Variants in ERC2 observed in about 807,000 individuals in gnomAD.
ERC2 encodes ERC protein 2.
ERC2 carries 42 observed loss-of-function variants against 114.8 expected under a neutral mutation model. The ratio of observed to expected loss-of-function variants is 0.37; its 90% CI spans 0.29 to 0.47. The LOEUF is 0.47. ERC2 is among the 20% of genes least tolerant of loss of function. ERC2 has a pLI of 0.99. For synonymous variants in ERC2, 454 were observed against 425.5 expected (o/e 1.07, Z -0.82); for missense variants, 939 against 1,150.7 (o/e 0.82, Z 2.66).
Position 55,917,700 on chromosome 3 carries a change from C to A in ERC2, c.2404-29151G>T, listed in dbSNP as rs72879174. Among the ~76,000 whole-genome samples, 771 of 152,070 alleles carry A rather than the reference C, an allele frequency of 5.1e-3. 7 individuals are homozygous for A. Among genetic ancestry groups the A allele is most frequent in the African/African-American group, 0.017 (687 of 41,474 alleles). On this transcript the variant is annotated intron_variant, in intron 13 of 17. Transcript: ENST00000288221. ...GGTACAGAGTTTCCTTTTGAGGTAA[C>A]AAAAATGTTCTAAAATTGATTGCAC...
intron 6 of ERC2, among the ~76,000 whole-genome samples, chr3:56,123,820 C>A (rs2079723982): frequency 6.6e-6 from 1 of 152,160 alleles, no homozygotes. Context: ...CATTAATCAC[C>A]AGGGTTTTTG....
chr3:55,747,639 T>A (rs2066391796), intron 14 of ERC2, among the ~76,000 whole-genome samples: 1 of 152,246 alleles, frequency 6.6e-6, no homozygotes, highest in Non-Finnish European at 1.5e-5. Flanking sequence ...TCATTAATCA[T>A]GATCTTGTTG....
In ERC2 at chr3:56,192,862, A is replaced by G. The variant is rs1328901703; in HGVS notation, c.1075-19342T>C. Among the ~76,000 whole-genome samples the G allele has an allele frequency of 2.0e-5, 3 of 152,178 alleles. No homozygotes were observed. The East Asian group carries it at 5.8e-4, about 29-fold the overall frequency. On this transcript the variant is annotated intron_variant, in intron 3 of 17. Transcript: ENST00000288221. ...ATCCCAGCAGATCTTAACCAAGTCC[A>G]CAGGAAACACATTCATTTGACAATG...
At chr3:55,758,770 G>A (rs529459740) in intron 14 of ERC2, among the ~76,000 whole-genome samples, 1 of 152,240 alleles carries the variant, frequency 6.6e-6, no homozygotes, top group African/African-American at 2.4e-5. Context: ...CCTGCAAAAA[G>A]CTCAAACTGC....
intron 14 of ERC2, among the ~76,000 whole-genome samples, chr3:55,818,761 C>T (rs2059999008): frequency 6.6e-6 from 1 of 152,232 alleles, no homozygotes; most frequent in African/African-American, 2.4e-5. Flanking sequence ...AGAAATGCTT[C>T]TTATTTTTAA....
intron 14 of ERC2, among the ~76,000 whole-genome samples, chr3:55,820,720 C>A (rs1175314194): frequency 2.0e-5 from 3 of 152,182 alleles, no homozygotes; most frequent in African/African-American, 7.2e-5. Flanking sequence ...TAGGTCACTA[C>A]TCTGGGTGAG....
intron 15 of ERC2, among the ~76,000 whole-genome samples, chr3:55,703,682 T>C (rs1194207993): frequency 1.3e-5 from 2 of 152,116 alleles, no homozygotes; most frequent in Admixed American, 6.5e-5. Context: ...AGTATATGAG[T>C]GTAAAAATGG....
intron 14 of ERC2, among the ~76,000 whole-genome samples, chr3:55,748,104 T>A (rs993673833): frequency 1.3e-5 from 2 of 152,004 alleles, no homozygotes; most frequent in African/African-American, 4.8e-5. Flanking sequence ...CAAGAAACAA[T>A]GGTATAGAAA....
chr3:55,520,455 T>C (rs573451100), intron 17 of ERC2, among the ~76,000 whole-genome samples: 1 of 138,694 alleles, frequency 7.2e-6, no homozygotes, highest in South Asian at 2.3e-4. Context: ...AAAAAAAATC[T>C]AAGAAGAGAG....
chr3:56,340,942 A>G (rs1462419415), intron 2 of ERC2, among the ~76,000 whole-genome samples: 2 of 152,188 alleles, frequency 1.3e-5, no homozygotes, highest in African/African-American at 2.4e-5. Flanking sequence ...AGAAAAAAAA[A>G]GTATCTAAGT....
At chr3:56,147,259 G>A (rs1202064884) in intron 5 of ERC2, among the ~76,000 whole-genome samples, 3 of 152,176 alleles carry the variant, frequency 2.0e-5, no homozygotes, top group Non-Finnish European at 4.4e-5. Flanking sequence ...GGGAGGGACT[G>A]CAAGAAAGAA....
At chr3:55,982,955 T>C (rs767431860) in intron 12 of ERC2, among the ~76,000 whole-genome samples, 1 of 152,242 alleles carries the variant, frequency 6.6e-6, no homozygotes, top group Non-Finnish European at 1.5e-5. Context: ...GACTCTATAA[T>C]AACGAGCTCA....
intron 17 of ERC2, among the ~76,000 whole-genome samples, chr3:55,655,271 C>T (rs1050391240): frequency 1.3e-5 from 2 of 152,028 alleles, no homozygotes; most frequent in Non-Finnish European, 2.9e-5. Flanking sequence ...GAACACATCC[C>T]CCAAGGACAG....
chr3:56,137,687 C>T (rs1476318057), intron 6 of ERC2, among the ~76,000 whole-genome samples: 1 of 152,172 alleles, frequency 6.6e-6, no homozygotes, highest in African/African-American at 2.4e-5. Context: ...CAGATCTGGC[C>T]CACAAGCCAT....
At chr3:55,694,033 G>A (rs1473495486) in intron 16 of ERC2, among the ~76,000 whole-genome samples, 1 of 152,070 alleles carries the variant, frequency 6.6e-6, no homozygotes, top group East Asian at 1.9e-4. Flanking sequence ...TTCAATTTTG[G>A]AAAATAAACA....
At chr3:56,390,977 T>C (rs2060107114) in intron 2 of ERC2, among the ~76,000 whole-genome samples, 1 of 152,216 alleles carries the variant, frequency 6.6e-6, no homozygotes, top group Non-Finnish European at 1.5e-5. Context: ...AATTTCTAAA[T>C]GTGACTCATA....
chr3:55,800,180 G>A (rs982085882), intron 14 of ERC2, among the ~76,000 whole-genome samples: 12 of 151,808 alleles, frequency 7.9e-5, no homozygotes, highest in Admixed American at 6.6e-4. Context: ...TTGCTCTGTT[G>A]CCCAGGCTGG....
intron 14 of ERC2, among the ~76,000 whole-genome samples, chr3:55,850,845 A>ACACAC (rs2061537172): frequency 4.0e-5 from 5 of 125,870 alleles, no homozygotes; most frequent in African/African-American, 9.1e-5. Context: ...CTCTTTTTCA[A>ACACAC]ACACACACAC....
intron 3 of ERC2, among the ~76,000 whole-genome samples, chr3:56,213,680 C>A (rs1364728992): frequency 1.3e-5 from 2 of 152,332 alleles, no homozygotes; most frequent in South Asian, 4.1e-4. Flanking sequence ...GTTCTCCCAG[C>A]ACGCAGCTTG....
Sources: gnomAD v4.1 joint callset for allele counts (sites outside exome capture counted in the v4.1 genomes callset) on GRCh38, gnomAD v4.1.1 for gene constraint, MANE v1.5 for transcripts, NCBI Gene and HGNC (gene_info 2026-07-23, HGNC 2026-07-21) for gene names.